SCAMP1: variants seen among roughly 807,000 people sequenced by gnomAD.
SCAMP1 encodes secretory carrier membrane protein 1.
Under a neutral mutation model 41.8 loss-of-function variants are expected in SCAMP1, and 15 were observed. The observed-to-expected ratio is 0.36, with a 90% CI of 0.24 to 0.55. The LOEUF (loss-of-function observed/expected upper bound fraction) is 0.55. Among genes scored for constraint, SCAMP1 ranks in the 20% least tolerant of loss-of-function variants. SCAMP1 has a pLI of 0.86. For missense variants in SCAMP1, 341 were observed against 412.6 expected (o/e 0.83, Z 1.50); for synonymous variants, 135 against 136.8 (o/e 0.99, Z 0.09).
In SCAMP1 at chr5:78,425,856, G is replaced by A. The variant is rs375980893; in HGVS notation, c.632+3896G>A. On this transcript the variant is annotated intron_variant, in intron 6 of 8. Transcript: ENST00000621999. ...AGGTCTATTACATAGGTGTACGTGTGCCATGGTGGTTTGCTGCACCTATCA... is the reference window on the plus strand; with the variant it reads ...AGGTCTATTACATAGGTGTACGTGTACCATGGTGGTTTGCTGCACCTATCA... 1.4e-4 allele frequency among the ~76,000 whole-genome samples: 22 copies of A among 152,204 alleles called. No individual in the cohort carries two copies. The East Asian group carries it at 3.3e-3, about 23-fold the overall frequency.
At chr5:78,394,673 G>A (rs886436759) in intron 2 of SCAMP1, among the ~76,000 whole-genome samples, 4 of 151,970 alleles carry the variant, frequency 2.6e-5, no homozygotes, top group South Asian at 2.1e-4. Context: ...ATTTTCTCTC[G>A]CTGTGCACTT....
intron 8 of SCAMP1, 21 bp downstream of exon 8, chr5:78,459,383 A>C (rs755784247): frequency 1.7e-6 from 2 of 1,165,374 alleles, no homozygotes; most frequent in Non-Finnish European, 1.3e-6. Flanking sequence ...TTTTATGTCT[A>C]AATTTTTATA....
chr5:78,421,983 T>G lies in SCAMP1; in HGVS notation c.632+23T>G, dbSNP rs766016191. 8.2e-6 allele frequency: 13 copies of G among 1,583,388 alleles called. No homozygotes were observed. The South Asian group carries it at 1.4e-4, about 17-fold the overall frequency. ...CAGGTAAAATGTGTGTACTTTAAAA[T>G]ACACTCTTTAAAACCTGTGAAGTAA... On this transcript the variant is annotated intron_variant, in intron 6 of 8. Coordinates refer to ENST00000621999, the MANE Select transcript of SCAMP1 (RefSeq NM_004866.6).
chr5:78,469,918 A>AAAAAAAAAAAAAAAAAAAAACAAAAC (rs1753839926), intron 8 of SCAMP1, among the ~76,000 whole-genome samples: 1 of 45,572 alleles, frequency 2.2e-5, no homozygotes, highest in Non-Finnish European at 4.4e-5. Flanking sequence ...AAAAACAAAA[A>AAAAAAAAAAAAAAAAAAAAACAAAAC]AAAAAAAAAA....
chr5:78,414,503 G>A (rs941711461), intron 2 of SCAMP1, among the ~76,000 whole-genome samples: 3 of 152,010 alleles, frequency 2.0e-5, no homozygotes, highest in Non-Finnish European at 2.9e-5. Flanking sequence ...GGCTGGTCTC[G>A]AACTCCTGAC....
At chr5:78,450,360 A>C (rs1276256669) in intron 7 of SCAMP1, among the ~76,000 whole-genome samples, 1 of 152,184 alleles carries the variant, frequency 6.6e-6, no homozygotes, top group African/African-American at 2.4e-5. Context: ...AGGGACAGGA[A>C]AGAGCTTCAG....
intron 2 of SCAMP1, among the ~76,000 whole-genome samples, chr5:78,409,620 C>G (rs1361698953): frequency 2.6e-5 from 4 of 152,112 alleles, no homozygotes; most frequent in African/African-American, 9.7e-5. Context: ...TTAACATCTA[C>G]AGATGTGAAG....
At chr5:78,418,679 T>G (rs1752265767) in intron 4 of SCAMP1, 96 bp from the exon 5 acceptor site, 6 of 780,212 alleles carry the variant, frequency 7.7e-6, no homozygotes, top group Non-Finnish European at 9.9e-6. Context: ...GAACTTTTGT[T>G]AACATAATAG....
intron 1 of SCAMP1, among the ~76,000 whole-genome samples, chr5:78,366,657 T>C (rs2112039408): frequency 6.6e-6 from 1 of 152,346 alleles, no homozygotes; most frequent in East Asian, 1.9e-4. Context: ...TTGACAATGA[T>C]ACTTACAAGT....
At chr5:78,371,747 T>A (rs928069617) in intron 1 of SCAMP1, among the ~76,000 whole-genome samples, 2 of 152,214 alleles carry the variant, frequency 1.3e-5, no homozygotes, top group African/African-American at 2.4e-5. Context: ...TTTCCTTTTT[T>A]AAAAAATAAA....
At chr5:78,416,715 T>TC in intron 4 of SCAMP1, 66 bp downstream of exon 4, 2 of 1,209,578 alleles carry the variant, frequency 1.7e-6, no homozygotes, top group Non-Finnish European at 2.3e-6. Flanking sequence ...CTATACTAGC[T>TC]CCTAGGTCAT....
intron 1 of SCAMP1, among the ~76,000 whole-genome samples, chr5:78,382,023 G>A (rs1751216284): frequency 6.6e-6 from 1 of 152,116 alleles, no homozygotes; most frequent in South Asian, 2.1e-4. Flanking sequence ...TGTTGAGGAA[G>A]GTGAATTGGA....
intron 1 of SCAMP1, among the ~76,000 whole-genome samples, chr5:78,374,573 C>G (rs963713238): frequency 7.9e-5 from 12 of 151,996 alleles, no homozygotes; most frequent in African/African-American, 2.9e-4. Context: ...TTCTTGTTTT[C>G]TATATTATTT....
intron 6 of SCAMP1, among the ~76,000 whole-genome samples, chr5:78,440,371 A>T (rs1752888198): frequency 6.6e-6 from 1 of 152,034 alleles, no homozygotes; most frequent in Non-Finnish European, 1.5e-5. Context: ...GATGATGGTG[A>T]TGTATAGATG....
At chr5:78,379,876 T>G (rs1454528890) in intron 1 of SCAMP1, among the ~76,000 whole-genome samples, 1 of 152,224 alleles carries the variant, frequency 6.6e-6, no homozygotes, top group Admixed American at 6.5e-5. Context: ...CCTCCTTTTT[T>G]CTTTTTGAGT....
chr5:78,428,880 G>A (rs560821350), intron 6 of SCAMP1, among the ~76,000 whole-genome samples: 1 of 152,048 alleles, frequency 6.6e-6, no homozygotes, highest in African/African-American at 2.4e-5. Context: ...TATTTTAGGT[G>A]GAATTATTTT....
chr5:78,459,837 G>A (rs903006519), intron 8 of SCAMP1, among the ~76,000 whole-genome samples: 1 of 151,916 alleles, frequency 6.6e-6, no homozygotes, highest in East Asian at 1.9e-4. Flanking sequence ...ATAATGCTGG[G>A]GTTTGGGCTT....
At chr5:78,388,993 G>T in intron 2 of SCAMP1, 79 bp downstream of exon 2, 2 of 719,160 alleles carry the variant, frequency 2.8e-6, no homozygotes, top group Non-Finnish European at 4.6e-6. Context: ...CTTTTTTAGT[G>T]GATTGCTTAC....
At chr5:78,453,237 G>C (rs1474687618) in intron 7 of SCAMP1, among the ~76,000 whole-genome samples, 4 of 151,382 alleles carry the variant, frequency 2.6e-5, no homozygotes, top group African/African-American at 4.9e-5. Flanking sequence ...TGCTTTTGGT[G>C]TTTTGGACAT....
Sources: allele counts gnomAD v4.1 joint callset (sites outside exome capture counted in the v4.1 genomes callset), GRCh38; gene constraint gnomAD v4.1.1; transcripts MANE v1.5; gene names NCBI Gene and HGNC (gene_info 2026-07-23, HGNC 2026-07-21).